The following STPG4 variants were observed in gnomAD, a reference collection of about 807,000 sequenced individuals.
The protein encoded by STPG4 is sperm-tail PG-rich repeat containing 4.
In STPG4, 41 loss-of-function variants were observed where a neutral mutation model predicts 31.5. The observed-to-expected ratio is 1.30, with a 90% CI of 1.01 to 1.69. STPG4 has a LOEUF of 1.69. Ranked by LOEUF, STPG4 falls within the 40% of genes most tolerant of loss-of-function variation. STPG4 has a pLI of 0.00. For missense variants in STPG4, 375 were observed against 293.4 expected (o/e 1.28, Z -2.03); for synonymous variants, 141 against 103.0 (o/e 1.37, Z -2.24).
chr2:47,121,306 A>G (rs1034869620), intron 5 of STPG4, among the ~76,000 whole-genome samples: 3 of 152,144 alleles, frequency 2.0e-5, no homozygotes, highest in African/African-American at 7.2e-5. Context: ...AGGAGCCCCA[A>G]GCACTGTGAG....
chr2:47,090,467 C>T (rs919990451), intron 5 of STPG4, 93 bp from the exon 6 acceptor site: 2 of 808,398 alleles, frequency 2.5e-6, no homozygotes, highest in Non-Finnish European at 4.0e-6. Context: ...ATATGAATCA[C>T]TGTGATATAG....
intron 5 of STPG4, among the ~76,000 whole-genome samples, chr2:47,115,756 G>C (rs1378707717): frequency 6.7e-6 from 1 of 149,180 alleles, no homozygotes; most frequent in African/African-American, 2.5e-5. Flanking sequence ...GGGTTCAAGC[G>C]ATTCTTCTGT....
At chr2:47,091,634 G>C (rs1685571462) in intron 5 of STPG4, among the ~76,000 whole-genome samples, 1 of 152,124 alleles carries the variant, frequency 6.6e-6, no homozygotes, top group Non-Finnish European at 1.5e-5. Flanking sequence ...AAGTGGGTGG[G>C]AGTATTAACC....
chr2:47,150,825 GAA>G (rs909009832), intron 3 of STPG4, among the ~76,000 whole-genome samples: 24 of 151,942 alleles, frequency 1.6e-4, no homozygotes, highest in African/African-American at 5.6e-4. Flanking sequence ...ATTTCTATAA[GAA>G]AAGTTTTTAA....
chr2:47,101,479 T>C (rs1290363780), intron 5 of STPG4, among the ~76,000 whole-genome samples: 4 of 151,830 alleles, frequency 2.6e-5, no homozygotes, highest in Non-Finnish European at 5.9e-5. Flanking sequence ...TCCTAAGGCC[T>C]GCCACACAAA....
intron 5 of STPG4, among the ~76,000 whole-genome samples, chr2:47,125,265 T>A (rs990241349): frequency 6.6e-6 from 1 of 151,958 alleles, no homozygotes; most frequent in African/African-American, 2.4e-5. Flanking sequence ...TACAAAAAAA[T>A]ACAAAAATTT....
intron 3 of STPG4, among the ~76,000 whole-genome samples, chr2:47,140,045 A>T (rs1468219415): frequency 1.3e-5 from 2 of 152,112 alleles, no homozygotes; most frequent in Non-Finnish European, 2.9e-5. Context: ...AAGTGCTGGG[A>T]TTACAAGCGT....
chr2:47,091,230 C>T (rs1048315894), intron 5 of STPG4, among the ~76,000 whole-genome samples: 1 of 152,158 alleles, frequency 6.6e-6, no homozygotes, highest in Non-Finnish European at 1.5e-5. Context: ...AGCACAAGCA[C>T]TCCTTATGAT....
chr2:47,103,250 G>A (rs1487087940), intron 5 of STPG4, among the ~76,000 whole-genome samples: 2 of 151,870 alleles, frequency 1.3e-5, no homozygotes, highest in Non-Finnish European at 2.9e-5. Flanking sequence ...GGGAAAGGAG[G>A]AAAATCCTTC....
chr2:47,089,414 G>A (rs548834190), intron 6 of STPG4, among the ~76,000 whole-genome samples: 84 of 152,286 alleles, frequency 5.5e-4, no homozygotes, highest in African/African-American at 1.9e-3. Flanking sequence ...GGAGGGCTAC[G>A]GGAGGTGATT....
At chr2:47,155,111 A>T in intron 1 of STPG4, 60 bp downstream of exon 1, 2 of 1,509,600 alleles carry the variant, frequency 1.3e-6, no homozygotes, top group Non-Finnish European at 1.8e-6. Context: ...CGGTGGGAAA[A>T]GGGTAGTGGG....
intron 4 of STPG4, 21 bp from the exon 5 acceptor site, chr2:47,130,016 G>A: frequency 6.6e-7 from 1 of 1,517,234 alleles, no homozygotes; most frequent in Non-Finnish European, 9.0e-7. Context: ...AAATAAAAAA[G>A]AAAAGTGATT....
At chr2:47,114,997 A>T (rs1018947496) in intron 5 of STPG4, among the ~76,000 whole-genome samples, 1 of 151,994 alleles carries the variant, frequency 6.6e-6, no homozygotes, top group African/African-American at 2.4e-5. Flanking sequence ...CGAACTCCTG[A>T]TCTCAAGTGA....
chr2:47,109,480 C>A (rs1034619164), intron 5 of STPG4, among the ~76,000 whole-genome samples: 1 of 151,044 alleles, frequency 6.6e-6, no homozygotes. Context: ...TCACTTGAAC[C>A]TGGGAAGCGG....
chr2:47,124,252 T>C (rs553103930), intron 5 of STPG4, among the ~76,000 whole-genome samples: 7 of 152,312 alleles, frequency 4.6e-5, no homozygotes, highest in African/African-American at 1.7e-4. Context: ...CCCAAAGTGC[T>C]GGGATTACAG....
At chr2:47,110,036 C>A (rs182418911) in intron 5 of STPG4, among the ~76,000 whole-genome samples, 1 of 146,452 alleles carries the variant, frequency 6.8e-6, no homozygotes, top group Admixed American at 6.6e-5. Flanking sequence ...ATATTTCTGA[C>A]ATCAAAGAAA....
At chr2:47,117,931 T>TA (rs61614757) in intron 5 of STPG4, among the ~76,000 whole-genome samples, 1,835 of 56,644 alleles carry the variant, frequency 0.032, 42 homozygotes, top group African/African-American at 0.15. Context: ...TATATATATA[T>TA]TTTTTTTTTA....
chr2:47,127,064 G>A (rs956863887), intron 5 of STPG4, among the ~76,000 whole-genome samples: 1 of 151,744 alleles, frequency 6.6e-6, no homozygotes, highest in Non-Finnish European at 1.5e-5. Flanking sequence ...CTCTAGGTTT[G>A]GAACGGTCCC....
At chr2:47,123,707 TAAATC>T (rs138659514) in intron 5 of STPG4, among the ~76,000 whole-genome samples, 13,875 of 152,258 alleles carry the variant, frequency 0.091, 834 homozygotes, top group Non-Finnish European at 0.12. Context: ...ATGTATATCT[TAAATC>T]AATTGCATTA....
Sources: allele counts gnomAD v4.1 joint callset (sites outside exome capture counted in the v4.1 genomes callset), GRCh38; gene constraint gnomAD v4.1.1; transcripts MANE v1.5; gene names NCBI Gene and HGNC (gene_info 2026-07-23, HGNC 2026-07-21).